The following RBM6 variants were observed in gnomAD, a reference collection of about 807,000 sequenced individuals.
The protein encoded by RBM6 is RNA-binding protein 6.
In RBM6, 23 loss-of-function variants were observed where a neutral mutation model predicts 140.4. That is an observed-to-expected ratio of 0.16 (90% CI 0.12 to 0.23). The LOEUF (loss-of-function observed/expected upper bound fraction) is 0.23, where lower values mean the gene tolerates loss of function less well. Among genes scored for constraint, RBM6 ranks in the 10% least tolerant of loss-of-function variants. RBM6 has a pLI of 1.00. For synonymous variants in RBM6, 439 were observed against 475.6 expected, an observed-to-expected ratio of 0.92 and a Z score of 1.00; for missense variants, 1,139 against 1,386.7, an observed-to-expected ratio of 0.82 and a Z score of 2.84.
At chr3:49,957,999 T>C (rs560119308) in intron 1 of RBM6, among the ~76,000 whole-genome samples, 1 of 152,256 alleles carries the variant, frequency 6.6e-6, no homozygotes, top group East Asian at 1.9e-4. Context: ...ACGTGGCTGA[T>C]TTTTGTATTT....
chr3:49,949,153 A>G (rs1025868138), intron 1 of RBM6, among the ~76,000 whole-genome samples: 2 of 151,728 alleles, frequency 1.3e-5, no homozygotes, highest in African/African-American at 2.4e-5. Context: ...TACCATAATT[A>G]TACAAGAATT....
Position 49,955,860 on chromosome 3 carries a change from C to CTGTGTGTG in RBM6, c.-66-6698_-66-6691dup, listed in dbSNP as rs146300035. ...TCTCTCTGTGTCTCTCTCTCTCTCT[C>CTGTGTGTG]TGTGTGTGTGTGTGTGTGTGTGTGT... On this transcript the variant is annotated intron_variant, in intron 1 of 20. Transcript: ENST00000266022. Among the ~76,000 whole-genome samples the CTGTGTGTG allele has an allele frequency of 1.5e-4, 22 of 145,582 alleles. No individual in the cohort carries two copies. The East Asian group carries it at 2.4e-3, about 16-fold the overall frequency.
chr3:50,032,517 A>G (rs2088235676), intron 6 of RBM6, among the ~76,000 whole-genome samples: 2 of 150,908 alleles, frequency 1.3e-5, no homozygotes, highest in East Asian at 3.9e-4. Context: ...ATTTGCTCCC[A>G]AGGTAAGAGA....
intron 1 of RBM6, among the ~76,000 whole-genome samples, chr3:49,943,825 T>C (rs1172479607): frequency 6.6e-6 from 1 of 152,192 alleles, no homozygotes. Context: ...TGCATCGTTT[T>C]ACATTCCCAC....
chr3:49,955,860 C>CTCTCTCTCTCTCTCTG (rs1553637396), intron 1 of RBM6, among the ~76,000 whole-genome samples: 1 of 145,476 alleles, frequency 6.9e-6, no homozygotes, highest in Non-Finnish European at 1.5e-5. Context: ...CTCTCTCTCT[C>CTCTCTCTCTCTCTCTG]TGTGTGTGTG....
chr3:50,046,280 C>CAA (rs1184110898), intron 6 of RBM6, among the ~76,000 whole-genome samples: 313 of 94,644 alleles, frequency 3.3e-3, no homozygotes, highest in African/African-American at 0.012. Context: ...GACTCTGTCT[C>CAA]AAAAAAAAAA....
At chr3:49,995,812 A>G (rs1294711871) in intron 5 of RBM6, among the ~76,000 whole-genome samples, 2 of 152,146 alleles carry the variant, frequency 1.3e-5, no homozygotes, top group Non-Finnish European at 2.9e-5. Flanking sequence ...TAGCAATTCT[A>G]ATCTCAAAGT....
Position 50,066,400 on chromosome 3 carries a change from C to T in RBM6, c.2841C>T (p.Asp947=). 6.2e-7 allele frequency: 1 copy of T among 1,614,046 alleles called. No homozygotes were observed. The highest frequency in any genetic ancestry group is 8.5e-7 in the Non-Finnish European group (1 of 1,180,022). The change falls in exon 17 of 21, where the codon GAC becomes GAT. Residue 947 remains aspartate, a synonymous_variant. Transcript: ENST00000266022. ...AAACCAAGAAGGAGAATGAAGAAGACAAACTCACTGACTGGAATAAACTGG... is the reference window on the plus strand; with the variant it reads ...AAACCAAGAAGGAGAATGAAGAAGATAAACTCACTGACTGGAATAAACTGG... ...EEQTKKENEE[D]KLTDWNKLAC... is the part of the protein sequence containing the mutation.
intron 5 of RBM6, among the ~76,000 whole-genome samples, chr3:49,996,869 A>G (rs553841847): frequency 1.3e-5 from 2 of 152,282 alleles, no homozygotes; most frequent in East Asian, 3.9e-4. Flanking sequence ...TAGTGGTTAA[A>G]AACATCAACT....
At chr3:49,973,225 C>T (rs1223781481) in intron 4 of RBM6, among the ~76,000 whole-genome samples, 3 of 151,934 alleles carry the variant, frequency 2.0e-5, no homozygotes, top group South Asian at 2.1e-4. Context: ...ACCTCTTGGG[C>T]TCAATCGATC....
At chr3:50,022,584 C>T (rs989790006) in intron 6 of RBM6, among the ~76,000 whole-genome samples, 29 of 152,230 alleles carry the variant, frequency 1.9e-4, no homozygotes, top group African/African-American at 7.0e-4. Flanking sequence ...CCTACTTTGG[C>T]CTCCCAAAGT....
intron 6 of RBM6, among the ~76,000 whole-genome samples, chr3:50,025,468 A>G (rs555418931): frequency 2.4e-4 from 37 of 151,330 alleles, no homozygotes; most frequent in Middle Eastern, 3.4e-3. Flanking sequence ...CTCTTGGCGA[A>G]TAGGTAGATG....
chr3:49,968,635 A>G lies in RBM6; in HGVS notation c.1210A>G (p.Met404Val), dbSNP rs760955192. 4 of 1,614,208 alleles carry G rather than the reference A, an allele frequency of 2.5e-6. No individual in the cohort carries two copies. The highest frequency in any genetic ancestry group is 3.4e-6 in the Non-Finnish European group (4 of 1,180,044). The change falls in exon 3 of 21, where the codon ATG (methionine) becomes GTG (valine). Residue 404 changes from methionine to valine, a missense_variant. Coordinates refer to ENST00000266022, the MANE Select transcript of RBM6 (RefSeq NM_005777.3). Reference protein sequence around the residue: ...LGRQDTDYRSMEYRDVDHRLP... With the variant: ...LGRQDTDYRSVEYRDVDHRLP... ...GCGGCAAGACACCGATTACAGAAGC[A>G]TGGAGTACCGTGATGTGGATCATAG...
chr3:49,943,277 A>G (rs184066585), intron 1 of RBM6, among the ~76,000 whole-genome samples: 1 of 151,868 alleles, frequency 6.6e-6, no homozygotes, highest in African/African-American at 2.4e-5. Flanking sequence ...AAATTGCTAT[A>G]TGGTAATTAT....
At chr3:49,948,192 C>T in intron 1 of RBM6, among the ~76,000 whole-genome samples, 1 of 152,154 alleles carries the variant, frequency 6.6e-6, no homozygotes, top group Non-Finnish European at 1.5e-5. Flanking sequence ...TATGTCCTTA[C>T]TGCACTGTTG....
intron 6 of RBM6, among the ~76,000 whole-genome samples, chr3:50,034,090 CTT>C (rs68118556): frequency 9.1e-4 from 106 of 116,184 alleles, no homozygotes; most frequent in East Asian, 3.2e-3. Context: ...TCTATACTTC[CTT>C]TTTTTTTTTT....
intron 5 of RBM6, among the ~76,000 whole-genome samples, chr3:49,986,161 ATT>A (rs1277418533): frequency 2.2e-5 from 3 of 138,488 alleles, no homozygotes; most frequent in Admixed American, 7.2e-5. Flanking sequence ...TAATTTTTGT[ATT>A]TTTTTTTTTT....
At chr3:50,034,547 G>A (rs941199512) in intron 6 of RBM6, among the ~76,000 whole-genome samples, 3 of 152,104 alleles carry the variant, frequency 2.0e-5, no homozygotes, top group African/African-American at 7.2e-5. Flanking sequence ...GATCACTTGA[G>A]GTCAGGAGTT....
intron 6 of RBM6, 25 bp from the exon 7 acceptor site, chr3:50,048,220 A>G: frequency 6.2e-7 from 1 of 1,609,858 alleles, no homozygotes; most frequent in Non-Finnish European, 8.5e-7. Context: ...GTTGATGTTG[A>G]TGGCTTCTGT....
Sources: gnomAD v4.1 joint callset for allele counts (sites outside exome capture counted in the v4.1 genomes callset) on GRCh38, gnomAD v4.1.1 for gene constraint, MANE v1.5 for transcripts, NCBI Gene and HGNC (gene_info 2026-07-23, HGNC 2026-07-21) for gene names.